TNFRSF11A: variants seen among roughly 807,000 people sequenced by gnomAD.
The protein encoded by TNFRSF11A is tumor necrosis factor receptor superfamily member 11A.
Under a neutral mutation model 55.7 loss-of-function variants are expected in TNFRSF11A, and 32 were observed. The ratio of observed to expected loss-of-function variants is 0.57; its 90% CI spans 0.43 to 0.77. TNFRSF11A has a LOEUF of 0.77. Among genes scored for constraint, TNFRSF11A ranks in the 30% least tolerant of loss-of-function variants. The pLI is 0.00. For synonymous variants in TNFRSF11A, 311 were observed against 331.0 expected, an observed-to-expected ratio of 0.94 and a Z score of 0.65; for missense variants, 753 against 809.8, an observed-to-expected ratio of 0.93 and a Z score of 0.85.
chr18:62,363,471 C>G (rs1287399459), intron 7 of TNFRSF11A, among the ~76,000 whole-genome samples: 1 of 146,966 alleles, frequency 6.8e-6, no homozygotes, highest in Non-Finnish European at 1.5e-5. Context: ...TGGGTTGCAG[C>G]GATTCTCCTC....
chr18:62,369,109 G>A lies in TNFRSF11A; in HGVS notation c.1192G>A (p.Gly398Ser), dbSNP rs2145356286. 3 of 1,614,070 alleles carry A rather than the reference G, an allele frequency of 1.9e-6. No individual in the cohort carries two copies. Among genetic ancestry groups the A allele is most frequent in the East Asian group, 2.2e-5 (1 of 44,890 alleles). Residue 398 changes from glycine to serine, a missense_variant, in exon 9 of 10, where the codon GGT (glycine) becomes AGT (serine). By Grantham distance (56) the Gly-to-Ser change is moderately conservative. Around this residue, in one of 3 missense-constraint regions of TNFRSF11A, gnomAD observed 567 missense variants for 596.7 expected, o/e 0.95. Coordinates refer to ENST00000586569, the MANE Select transcript of TNFRSF11A (RefSeq NM_003839.4). ...CTTCACGGGGACACAGAGCACAGTG[G>A]GTTCAGAAAGCTGCAACTGCACTGA... ...QCFTGTQSTV[G>S]SESCNCTEPL... is the part of the protein sequence containing the mutation.
At chr18:62,378,553 G>A (rs940983472) in intron 9 of TNFRSF11A, among the ~76,000 whole-genome samples, 6 of 152,154 alleles carry the variant, frequency 3.9e-5, no homozygotes, top group South Asian at 2.1e-4. Flanking sequence ...CCGTGAGCAC[G>A]GATATTACTT....
chr18:62,329,802 C>G (rs891538270), intron 1 of TNFRSF11A, among the ~76,000 whole-genome samples: 22 of 152,186 alleles, frequency 1.4e-4, no homozygotes, highest in Admixed American at 1.0e-3. Flanking sequence ...TGCCTGTCTG[C>G]CTGGGTCACC....
At chr18:62,381,694 G>A in intron 9 of TNFRSF11A, among the ~76,000 whole-genome samples, 1 of 152,158 alleles carries the variant, frequency 6.6e-6, no homozygotes, top group Non-Finnish European at 1.5e-5. Flanking sequence ...ATTAAAACTA[G>A]AGGAACTAGG....
Position 62,349,856 on chromosome 18 carries a change from T to C in TNFRSF11A, c.202T>C (p.Cys68Arg), listed in dbSNP as rs959117011. The stretch of plus-strand genomic sequence containing the variant: ...ATGCACTACTACCTCTGACAGTGTA[T>C]GTCTGCCCTGTGGCCCGGATGAATA... ...SKCTTTSDSVCLPCGPDEYLD... is the reference protein window; with the variant it reads ...SKCTTTSDSVRLPCGPDEYLD... Residue 68 changes from cysteine (C) to arginine (R), a missense_variant, in exon 3 of 10, where the codon TGT (cysteine) becomes CGT (arginine). Cys to Arg is a radical substitution (Grantham distance 180). Coordinates refer to ENST00000586569, the MANE Select transcript of TNFRSF11A (RefSeq NM_003839.4). The C allele has an allele frequency of 1.2e-6, 2 of 1,614,042 alleles. No homozygotes were observed. The highest frequency in any genetic ancestry group is 1.7e-6 in the Non-Finnish European group (2 of 1,179,994).
chr18:62,368,880 C>T lies in TNFRSF11A; in HGVS notation c.963C>T (p.Gly321=), dbSNP rs779486519. Residue 321 remains glycine, a synonymous_variant, in exon 9 of 10, where the codon GGC becomes GGT. Coordinates refer to ENST00000586569, the MANE Select transcript of TNFRSF11A (RefSeq NM_003839.4). Reference sequence around the variant, plus strand: ...TAGGAGGTGGTCCCTACGCACAAGGCGAAGATGCCAGGATGCTCTCATTGG... The same window carrying T: ...TAGGAGGTGGTCCCTACGCACAAGGTGAAGATGCCAGGATGCTCTCATTGG... The part of the protein sequence containing the change: ...TCVGGGPYAQ[G]EDARMLSLVS... 29 of 1,614,068 alleles carry T rather than the reference C, an allele frequency of 1.8e-5. No homozygotes were observed. The African/African-American group carries it at 2.0e-4, about 11-fold the overall frequency.
chr18:62,348,079 A>AT, intron 1 of TNFRSF11A, 89 bp from the exon 2 acceptor site: 13 of 902,000 alleles, frequency 1.4e-5, no homozygotes, highest in Non-Finnish European at 1.9e-5. Flanking sequence ...AAAAAAAAAA[A>AT]GTAATTTGGT....
intron 4 of TNFRSF11A, chr18:62,358,023 G>A (rs1310536657): frequency 4.4e-5 from 24 of 546,404 alleles, no homozygotes; most frequent in South Asian, 4.1e-4. Flanking sequence ...CTTTCTGAGC[G>A]TGGTTCCATA....
At chr18:62,376,532 C>T (rs1004749792) in intron 9 of TNFRSF11A, among the ~76,000 whole-genome samples, 15 of 152,056 alleles carry the variant, frequency 9.9e-5, no homozygotes, top group Admixed American at 9.2e-4. Context: ...TTCCTATATA[C>T]CTCCTGCCCC....
rs376653882 is a variant in TNFRSF11A, at chr18:62,341,894, A to G, written c.76-6274A>G. On this transcript the variant is annotated intron_variant, in intron 1 of 9. Transcript: ENST00000586569. The stretch of plus-strand genomic sequence containing the variant: ...TTTTAGAAATGTAGTCAGTTTTATT[A>G]AAGAAATATCAGGCATTCTTCTCTC... 1.4e-3 allele frequency among the ~76,000 whole-genome samples: 157 copies of G among 113,714 alleles called. 3 individuals are homozygous for G. In the Middle Eastern group the frequency reaches 0.042, roughly 31 times the overall value. The allele number at this position is 113,714 out of a possible 152,430, so 74.6% of individuals were successfully genotyped here.
chr18:62,365,409 G>C (rs993066838), intron 7 of TNFRSF11A, among the ~76,000 whole-genome samples: 7 of 152,188 alleles, frequency 4.6e-5, no homozygotes, highest in Non-Finnish European at 1.0e-4. Flanking sequence ...AGAGTGGGTG[G>C]AGATGTACTT....
Position 62,354,414 on chromosome 18 carries a change from G to T in TNFRSF11A, c.307G>T (p.Ala103Ser). 1 of 1,588,012 alleles carries T rather than the reference G, an allele frequency of 6.3e-7. No homozygotes were observed. The highest frequency in any genetic ancestry group is 1.3e-5 in the African/African-American group (1 of 74,774). The change falls in exon 4 of 10, where the codon GCC becomes TCC. Residue 103 changes from alanine (A) to serine (S), a missense_variant. Ala to Ser is a moderately conservative substitution (Grantham distance 99, BLOSUM62 1). Around this residue, in one of 3 missense-constraint regions of TNFRSF11A, gnomAD observed 156 missense variants for 155.1 expected, o/e 1.01. Transcript: ENST00000586569. Reference protein sequence around the residue: ...DTGKALVAVVAGNSTTPRRCA... With the variant: ...DTGKALVAVVSGNSTTPRRCA... ...AGGCAAGGCCCTGGTGGCCGTGGTC[G>T]CCGGCAACAGCACGACCCCCCGGCG...
intron 1 of TNFRSF11A, among the ~76,000 whole-genome samples, chr18:62,345,395 G>A (rs933412571): frequency 1.3e-5 from 2 of 152,184 alleles, no homozygotes; most frequent in African/African-American, 4.8e-5. Context: ...TAAGTTGTAT[G>A]TATATTGCCA....
chr18:62,376,907 A>T (rs1910936667), intron 9 of TNFRSF11A, among the ~76,000 whole-genome samples: 1 of 151,884 alleles, frequency 6.6e-6, no homozygotes, highest in African/African-American at 2.4e-5. Flanking sequence ...TCATGGCTTG[A>T]TAGCTCTTTT....
At chr18:62,329,872 C>T (rs182178278) in intron 1 of TNFRSF11A, among the ~76,000 whole-genome samples, 1 of 152,258 alleles carries the variant, frequency 6.6e-6, no homozygotes, top group Admixed American at 6.5e-5. Context: ...ACGTTCCAGT[C>T]GCAGTGTGCT....
intron 9 of TNFRSF11A, among the ~76,000 whole-genome samples, chr18:62,370,974 C>T (rs769967725): frequency 2.2e-4 from 34 of 152,028 alleles, no homozygotes; most frequent in Non-Finnish European, 4.1e-4. Flanking sequence ...GGACTATAGG[C>T]GCATGCCACC....
chr18:62,335,375 G>A (rs1291599578), intron 1 of TNFRSF11A, among the ~76,000 whole-genome samples: 3 of 152,128 alleles, frequency 2.0e-5, no homozygotes. Flanking sequence ...CAAAGTGCTG[G>A]GATCACAGGC....
chr18:62,362,511 A>G (rs796322067), intron 7 of TNFRSF11A, among the ~76,000 whole-genome samples: 45 of 151,148 alleles, frequency 3.0e-4, no homozygotes, highest in African/African-American at 9.7e-4. Flanking sequence ...AAAAAAAAAA[A>G]AAGAACCTTC....
intron 1 of TNFRSF11A, among the ~76,000 whole-genome samples, chr18:62,327,142 T>C (rs985369877): frequency 2.6e-5 from 4 of 152,164 alleles, no homozygotes; most frequent in African/African-American, 7.2e-5. Flanking sequence ...CTTCGGAGAA[T>C]AGGTGAGAGC....
Sources: gnomAD v4.1 joint callset for allele counts (sites outside exome capture counted in the v4.1 genomes callset) on GRCh38, gnomAD v4.1.1 for gene constraint, gnomAD v4.1.1 regional missense constraint, MANE v1.5 for transcripts, NCBI Gene and HGNC (gene_info 2026-07-23, HGNC 2026-07-21) for gene names.